NAV3: variants seen among roughly 807,000 people sequenced by gnomAD.
NAV3 encodes neuron navigator 3.
NAV3 carries 87 observed loss-of-function variants against 244.7 expected under a neutral mutation model. The ratio of observed to expected loss-of-function variants is 0.36; its 90% CI spans 0.30 to 0.42. The LOEUF is 0.42. Ranked by LOEUF, NAV3 falls within the 20% of genes least tolerant of loss-of-function variation. The probability of loss-of-function intolerance (pLI) is 1.00; values close to 1 mark genes in which losing one functional copy is unlikely to be tolerated. For missense variants in NAV3, 2,663 were observed against 2,893.3 expected, an observed-to-expected ratio of 0.92 and a Z score of 1.83; for synonymous variants, 1,126 against 1,042.2, an observed-to-expected ratio of 1.08 and a Z score of -1.55.
At chr12:77,723,883 A>G (rs1876757739) in intron 2 of NAV3, among the ~76,000 whole-genome samples, 1 of 146,244 alleles carries the variant, frequency 6.8e-6, no homozygotes, top group South Asian at 2.2e-4. Context: ...AGCCTTTTTC[A>G]TGTTGAATTG....
At chr12:78,181,130 A>C in intron 30 of NAV3, 85 bp downstream of exon 30, 1 of 1,242,674 alleles carries the variant, frequency 8.0e-7, no homozygotes, top group Non-Finnish European at 1.1e-6. Context: ...AACTTTACGT[A>C]CTCTTAAAAA....
intron 34 of NAV3, among the ~76,000 whole-genome samples, chr12:78,193,186 CT>C (rs1959058000): frequency 1.3e-5 from 2 of 152,144 alleles, no homozygotes; most frequent in South Asian, 4.1e-4. Context: ...TGAAAAACAT[CT>C]TTTCATGTTT....
chr12:78,034,596 T>A (rs1358409357), intron 9 of NAV3, among the ~76,000 whole-genome samples: 1 of 152,182 alleles, frequency 6.6e-6, no homozygotes, highest in East Asian at 1.9e-4. Flanking sequence ...GTCAACTCAT[T>A]TGATATATAA....
intron 2 of NAV3, among the ~76,000 whole-genome samples, chr12:77,755,436 CTTCTT>C (rs1050945770): frequency 1.2e-3 from 181 of 152,112 alleles, no homozygotes; most frequent in African/African-American, 4.2e-3. Context: ...TTGATGGGAT[CTTCTT>C]TTCTTTTCTT....
chr12:77,886,874 A>G (rs1347214820), intron 1 of NAV3, among the ~76,000 whole-genome samples: 1 of 152,138 alleles, frequency 6.6e-6, no homozygotes, highest in Non-Finnish European at 1.5e-5. Context: ...TCAACTTAAA[A>G]TGCCTTTGTA....
intron 8 of NAV3, among the ~76,000 whole-genome samples, chr12:78,012,663 G>T (rs999318994): frequency 6.6e-6 from 1 of 151,940 alleles, no homozygotes; most frequent in South Asian, 2.1e-4. Context: ...ATCACTGCAG[G>T]CCTGTCTTGT....
intron 34 of NAV3, among the ~76,000 whole-genome samples, chr12:78,194,756 C>A (rs556530623): frequency 1.3e-5 from 2 of 152,028 alleles, no homozygotes; most frequent in Non-Finnish European, 2.9e-5. Context: ...ATATTCTTAG[C>A]TTTTTTCCTA....
rs149077529 is a variant in NAV3 at position 77,938,869 on chromosome 12, T to C, written c.244-1450T>C. Among the ~76,000 whole-genome samples the C allele has an allele frequency of 1.2e-4, 18 of 152,048 alleles. No individual in the cohort carries two copies. The East Asian group carries it at 3.5e-3, about 29-fold the overall frequency. Reference sequence around the variant, plus strand: ...AAAGCTGTTAAAATATTGTTACTTATAAATTTGAAACTGCAAAATAATATG... The same window carrying C: ...AAAGCTGTTAAAATATTGTTACTTACAAATTTGAAACTGCAAAATAATATG... On this transcript the variant is annotated intron_variant, in intron 1 of 39. Coordinates refer to ENST00000397909, the MANE Select transcript of NAV3 (RefSeq NM_001024383.2).
intron 12 of NAV3, among the ~76,000 whole-genome samples, chr12:78,089,161 C>A (rs1471835323): frequency 6.6e-6 from 1 of 152,050 alleles, no homozygotes; most frequent in Admixed American, 6.6e-5. Flanking sequence ...TACCACCATT[C>A]CCTTCCCCTT....
intron 2 of NAV3, among the ~76,000 whole-genome samples, chr12:77,607,202 C>T (rs1870707097): frequency 6.6e-6 from 1 of 152,056 alleles, no homozygotes; most frequent in Non-Finnish European, 1.5e-5. Context: ...GGTAATAACA[C>T]TGGCTGTGTA....
At chr12:77,755,591 C>G (rs1869113784) in intron 2 of NAV3, among the ~76,000 whole-genome samples, 1 of 28,850 alleles carries the variant, frequency 3.5e-5, no homozygotes, top group Non-Finnish European at 5.8e-5. Context: ...TCCTCCCTCC[C>G]TCCCTCCCTC....
chr12:77,793,635 C>T (rs1291186892), intron 2 of NAV3, among the ~76,000 whole-genome samples: 1 of 152,140 alleles, frequency 6.6e-6, no homozygotes, highest in Non-Finnish European at 1.5e-5. Flanking sequence ...CATCCATGTC[C>T]CTGCAAAGGA....
At chr12:78,208,205 G>C (rs1594057982) in intron 39 of NAV3, among the ~76,000 whole-genome samples, 1 of 152,074 alleles carries the variant, frequency 6.6e-6, no homozygotes, top group African/African-American at 2.4e-5. Context: ...CACATGGTGA[G>C]AAAAGAAGCA....
Position 77,940,960 on chromosome 12 carries a change from T to C in NAV3, c.362-121T>C, listed in dbSNP as rs77352896. 8.0e-4 allele frequency: 527 copies of C among 659,168 alleles called. 6 individuals are homozygous for C. Among genetic ancestry groups the C allele is most frequent in the African/African-American group, 7.9e-3 (434 of 54,680 alleles). The allele number at this position is 659,168 out of a possible 1,614,324, so 40.8% of individuals were successfully genotyped here. Reference sequence around the variant, plus strand: ...TGTACACTGCTTGGAAGACAGAATATATGTAGCAGGAGCATTTTTGCTTGG... The same window carrying C: ...TGTACACTGCTTGGAAGACAGAATACATGTAGCAGGAGCATTTTTGCTTGG... On this transcript the variant is annotated intron_variant, in intron 2 of 39. Transcript: ENST00000397909.
chr12:77,789,137 A>G (rs1871052258), intron 2 of NAV3, among the ~76,000 whole-genome samples: 1 of 152,204 alleles, frequency 6.6e-6, no homozygotes, highest in African/African-American at 2.4e-5. Context: ...TGCTTGGATT[A>G]TTCTAACTAA....
chr12:77,771,053 A>G (rs1870053921), intron 2 of NAV3, among the ~76,000 whole-genome samples: 1 of 152,226 alleles, frequency 6.6e-6, no homozygotes, highest in Admixed American at 6.5e-5. Context: ...CAATGAACTG[A>G]AACAAATTTA....
At chr12:77,970,067 C>G (rs1025613566) in intron 5 of NAV3, among the ~76,000 whole-genome samples, 1 of 152,158 alleles carries the variant, frequency 6.6e-6, no homozygotes, top group East Asian at 1.9e-4. Context: ...TAACAACTTT[C>G]ATACAAGCTA....
intron 34 of NAV3, among the ~76,000 whole-genome samples, chr12:78,193,810 C>T (rs551204274): frequency 6.6e-6 from 1 of 152,172 alleles, no homozygotes; most frequent in South Asian, 2.1e-4. Context: ...GAAAGAAAGC[C>T]ACATTATAAT....
chr12:77,635,898 A>G (rs1680970028), intron 2 of NAV3, among the ~76,000 whole-genome samples: 1 of 152,216 alleles, frequency 6.6e-6, no homozygotes, highest in Admixed American at 6.5e-5. Context: ...CAAGTACAAT[A>G]CTTGAATCTT....
Sources: gnomAD v4.1 joint callset for allele counts (sites outside exome capture counted in the v4.1 genomes callset) on GRCh38, gnomAD v4.1.1 for gene constraint, MANE v1.5 for transcripts, NCBI Gene and HGNC (gene_info 2026-07-23, HGNC 2026-07-21) for gene names.